The following ENTREP1 variants were observed in gnomAD, a reference collection of about 807,000 sequenced individuals.
The protein encoded by ENTREP1 is endosomal transmembrane epsin interactor 1.
chr9:69,375,600 C>A, the ENTREP1 span: 1 of 672,346 alleles, frequency 1.5e-6, no homozygotes, highest in South Asian at 2.0e-5. Flanking sequence ...TACCCTAGCC[C>A]ATCCTGACTG....
chr9:69,369,863 A>G, the ENTREP1 span, among the ~76,000 whole-genome samples: 485 of 152,240 alleles, frequency 3.2e-3, 3 homozygotes, highest in Middle Eastern at 0.017. Context: ...TGAAATGTCT[A>G]TTTAAGTCTT....
At chr9:69,330,343 G>A in the ENTREP1 span, among the ~76,000 whole-genome samples, 1 of 152,194 alleles carries the variant, frequency 6.6e-6, no homozygotes, top group Non-Finnish European at 1.5e-5. Context: ...TCAGATGAGT[G>A]GTAGAGAATT....
the ENTREP1 span, among the ~76,000 whole-genome samples, chr9:69,390,946 ATTT>A: frequency 0.78 from 104,046 of 133,448 alleles, 40,038 homozygotes; most frequent in South Asian, 0.84. Flanking sequence ...CAGCTAATTA[ATTT>A]TTTTTTTTTT....
At chr9:69,336,821 C>T in the ENTREP1 span, among the ~76,000 whole-genome samples, 1 of 151,706 alleles carries the variant, frequency 6.6e-6, no homozygotes, top group African/African-American at 2.4e-5. Context: ...AAGCAATCCT[C>T]CCAAGTAGCT....
the ENTREP1 span, among the ~76,000 whole-genome samples, chr9:69,375,554 G>C: frequency 6.6e-6 from 1 of 152,258 alleles, no homozygotes; most frequent in East Asian, 1.9e-4. Flanking sequence ...TTTTGTGAAA[G>C]CCACTGAAAT....
the ENTREP1 span, chr9:69,383,434 C>T: frequency 6.9e-7 from 1 of 1,445,078 alleles, no homozygotes; most frequent in Non-Finnish European, 9.1e-7. Context: ...TATACACTGT[C>T]ATTTGCTTAA....
the ENTREP1 span, among the ~76,000 whole-genome samples, chr9:69,390,415 C>G: frequency 1.3e-5 from 2 of 152,158 alleles, no homozygotes; most frequent in African/African-American, 4.8e-5. Context: ...CCGGACAGTT[C>G]TCTCCTCTTC....
the ENTREP1 span, among the ~76,000 whole-genome samples, chr9:69,348,982 G>C: frequency 6.6e-6 from 1 of 151,866 alleles, no homozygotes; most frequent in East Asian, 1.9e-4. Flanking sequence ...TCAGGAGTTT[G>C]AGACTAGCCT....
At chr9:69,384,083 C>A in the ENTREP1 span, 2 of 1,332,938 alleles carry the variant, frequency 1.5e-6, no homozygotes, top group Non-Finnish European at 2.1e-6. Flanking sequence ...ATAGGCTGGG[C>A]AAGGTGGCTT....
the ENTREP1 span, chr9:69,385,758 C>G: frequency 7.0e-7 from 1 of 1,437,966 alleles, no homozygotes; most frequent in Non-Finnish European, 9.1e-7. Context: ...ATTTATGTTT[C>G]GCCTCTTTTT....
chr9:69,331,834 A>G, the ENTREP1 span, among the ~76,000 whole-genome samples: 6 of 152,156 alleles, frequency 3.9e-5, no homozygotes, highest in Admixed American at 6.5e-5. Flanking sequence ...CCAAGCCCTC[A>G]TCGTGATACA....
the ENTREP1 span, chr9:69,385,924 T>C: frequency 6.2e-7 from 1 of 1,610,908 alleles, no homozygotes; most frequent in Non-Finnish European, 8.5e-7. Flanking sequence ...AGTGACCCTG[T>C]GCTCCATCCT....
the ENTREP1 span, chr9:69,375,984 G>T: frequency 9.9e-7 from 1 of 1,008,858 alleles, no homozygotes. Flanking sequence ...TGCTGAAAGC[G>T]CATGTGAGTG....
the ENTREP1 span, among the ~76,000 whole-genome samples, chr9:69,345,336 G>A: frequency 2.4e-3 from 358 of 152,294 alleles, 3 homozygotes; most frequent in African/African-American, 7.5e-3. Context: ...GCACATTGAT[G>A]GAGAAGAAAG....
the ENTREP1 span, among the ~76,000 whole-genome samples, chr9:69,389,456 C>T: frequency 8.5e-5 from 13 of 152,150 alleles, no homozygotes; most frequent in Non-Finnish European, 1.3e-4. Flanking sequence ...GGGGATTCAG[C>T]GGGGAGGAAT....
chr9:69,381,566 G>T, the ENTREP1 span: 6 of 152,260 alleles, frequency 3.9e-5, no homozygotes, highest in East Asian at 1.2e-3. Context: ...GCCATCCAGA[G>T]TTTCAGAACC....
the ENTREP1 span, among the ~76,000 whole-genome samples, chr9:69,368,071 T>C: frequency 6.6e-6 from 1 of 151,500 alleles, no homozygotes; most frequent in South Asian, 2.1e-4. Context: ...CTGAATTTAT[T>C]TATCAGATTT....
the ENTREP1 span, chr9:69,325,389 GCGCCGCTGCCGCCGCCGCTCAGGAGC>G: frequency 6.2e-6 from 7 of 1,125,694 alleles, no homozygotes; most frequent in Non-Finnish European, 7.6e-6. Context: ...GGGGGCCCGG[GCGCCGCTGCCGCCGCCGCTCAGGAGC>G]CGCCGCTGCC....
chr9:69,346,568 T>C, the ENTREP1 span, among the ~76,000 whole-genome samples: 1 of 152,242 alleles, frequency 6.6e-6, no homozygotes, highest in South Asian at 2.1e-4. Flanking sequence ...CAGTTTTTGA[T>C]AGTGATATTT....
Sources: gnomAD v4.1 joint callset for allele counts (sites outside exome capture counted in the v4.1 genomes callset) on GRCh38, gnomAD v4.1.1 for gene constraint, MANE v1.5 for transcripts, NCBI Gene and HGNC (gene_info 2026-07-23, HGNC 2026-07-21) for gene names.